Variants in STK24 observed in about 807,000 individuals in gnomAD.
The protein encoded by STK24 is serine/threonine kinase 24.
Under a neutral mutation model 55.6 loss-of-function variants are expected in STK24, and 21 were observed. That is an observed-to-expected ratio of 0.38 (90% CI 0.27 to 0.54). The LOEUF (loss-of-function observed/expected upper bound fraction) is 0.54, where lower values mean the gene tolerates loss of function less well. Ranked by LOEUF, STK24 falls within the 20% of genes least tolerant of loss-of-function variation. The probability of loss-of-function intolerance (pLI) is 0.79; values close to 1 mark genes in which losing one functional copy is unlikely to be tolerated. For synonymous variants in STK24, 200 were observed against 215.2 expected (o/e 0.93, Z 0.62); for missense variants, 383 against 538.4 (o/e 0.71, Z 2.86).
At chr13:98,548,482 T>C (rs1897081979) in intron 1 of STK24, among the ~76,000 whole-genome samples, 1 of 152,170 alleles carries the variant, frequency 6.6e-6, no homozygotes, top group South Asian at 2.1e-4. Flanking sequence ...AACTGTCTCA[T>C]CTCAAGGGTT....
chr13:98,527,414 C>T (rs1253021232), intron 1 of STK24, among the ~76,000 whole-genome samples: 1 of 152,212 alleles, frequency 6.6e-6, no homozygotes, highest in East Asian at 1.9e-4. Flanking sequence ...GCGGTGGGAA[C>T]ATGTGGCCTG....
chr13:98,475,133 C>A, intron 4 of STK24, 117 bp downstream of exon 4: 1 of 1,398,206 alleles, frequency 7.2e-7, no homozygotes, highest in East Asian at 2.4e-5. Flanking sequence ...CAGCCCAGCC[C>A]AGGCAAGGCA....
At chr13:98,507,809 T>G (rs953471258) in intron 2 of STK24, among the ~76,000 whole-genome samples, 2 of 152,110 alleles carry the variant, frequency 1.3e-5, no homozygotes, top group Non-Finnish European at 2.9e-5. Context: ...AACAGAAATG[T>G]GATGGTAAAG....
At chr13:98,534,649 C>G (rs1034558069) in intron 1 of STK24, among the ~76,000 whole-genome samples, 1 of 152,096 alleles carries the variant, frequency 6.6e-6, no homozygotes, top group African/African-American at 2.4e-5. Context: ...TTTTGCAGAC[C>G]CAGTGTTCTG....
chr13:98,518,023 A>C (rs534468968), intron 2 of STK24, among the ~76,000 whole-genome samples: 3 of 152,348 alleles, frequency 2.0e-5, no homozygotes, highest in East Asian at 3.9e-4. Flanking sequence ...AGAAGTTATA[A>C]AAAATAATGA....
At chr13:98,456,016 T>C (rs1193917643) in intron 10 of STK24, 6 of 152,998 alleles carry the variant, frequency 3.9e-5, no homozygotes, top group African/African-American at 9.6e-5. Flanking sequence ...TTTATTCCTA[T>C]ATTGTTTTTA....
rs115218701 is a variant in STK24, at chr13:98,523,178, C to A, written c.43-3705G>T. Among the ~76,000 whole-genome samples the A allele has an allele frequency of 5.2e-3, 785 of 152,300 alleles. 5 individuals are homozygous for A. The highest frequency in any genetic ancestry group is 0.017 in the African/African-American group (693 of 41,558). ...AACCACCACTCGGCACAGGCTGGGA[C>A]AGGAGGCCAAGCAGCCCCAACATGC... is the stretch of plus-strand genomic sequence containing the variant. On this transcript the variant is annotated intron_variant, in intron 1 of 10. Transcript: ENST00000539966.
chr13:98,553,164 T>TAGGCTA (rs1435189228), intron 1 of STK24: 1 of 152,196 alleles, frequency 6.6e-6, no homozygotes, highest in Non-Finnish European at 1.5e-5. Context: ...GCCACCACGG[T>TAGGCTA]AGGCTAAGCT....
At chr13:98,481,631 C>T (rs1264255849) in intron 3 of STK24, among the ~76,000 whole-genome samples, 1 of 152,140 alleles carries the variant, frequency 6.6e-6, no homozygotes, top group Non-Finnish European at 1.5e-5. Context: ...GTAAATAGAA[C>T]CTGTTTCAGA....
At chr13:98,481,817 G>A (rs1015788654) in intron 3 of STK24, among the ~76,000 whole-genome samples, 1 of 152,162 alleles carries the variant, frequency 6.6e-6, no homozygotes, top group African/African-American at 2.4e-5. Flanking sequence ...GGGAGGCTGA[G>A]AGCGGGGATC....
intron 1 of STK24, among the ~76,000 whole-genome samples, chr13:98,531,753 G>A (rs1442026558): frequency 6.6e-6 from 1 of 152,140 alleles, no homozygotes; most frequent in African/African-American, 2.4e-5. Flanking sequence ...AGGTGCAGAT[G>A]GTATTAATGG....
rs537555392 is a variant in STK24, at chr13:98,448,840, G to A, written c.*4333C>T. On this transcript the variant is annotated 3_prime_UTR_variant, in exon 11 of 11. Coordinates refer to ENST00000539966, the MANE Select transcript of STK24 (RefSeq NM_001032296.4). The stretch of plus-strand genomic sequence containing the variant: ...CAGTCTTTCTACTTTTGTAATAATA[G>A]GAAGTTAGTAGGACTCACTTCTCTG... 4 of 152,162 alleles carry A rather than the reference G, an allele frequency of 2.6e-5. No homozygotes were observed. In the South Asian group the frequency reaches 8.3e-4, roughly 32 times the overall value. The allele number at this position is 152,162 out of a possible 1,614,324, so 9.4% of individuals were successfully genotyped here.
chr13:98,453,400 C>A lies in STK24; in HGVS notation c.1260-191G>T, dbSNP rs79491728. The A allele has an allele frequency of 1.8e-3, 1,093 of 603,970 alleles. 26 individuals carry two copies. The East Asian group carries it at 0.032, about 18-fold the overall frequency. 37.4% of individuals were successfully genotyped at this position (603,970 alleles called of 1,614,324 possible). On this transcript the variant is annotated intron_variant, in intron 10 of 10. Coordinates refer to ENST00000539966, the MANE Select transcript of STK24 (RefSeq NM_001032296.4). ...AAGACTGAGAAGATCATGATTCTTA[C>A]ACAAAAACTCCAGAGCATGTCACCA...
At position 98,460,410 on chromosome 13, in the gene STK24, G is replaced by T; in HGVS notation, c.1084C>A (p.Gln362Lys). The T allele has an allele frequency of 6.2e-7, 1 of 1,613,480 alleles. No individual in the cohort carries two copies. Among genetic ancestry groups the T allele is most frequent in the South Asian group, 1.1e-5 (1 of 91,018 alleles). The change falls in exon 9 of 11, where the codon CAG (glutamine) becomes AAG (lysine). Residue 362 changes from glutamine (Q) to lysine (K), a missense_variant. Physicochemically the swap from Gln to Lys is moderately conservative, Grantham distance 53. Coordinates refer to ENST00000539966, the MANE Select transcript of STK24 (RefSeq NM_001032296.4). Reference protein sequence around the residue: ...MKDIPKRPFSQCLSTIISPLF... With the variant: ...MKDIPKRPFSKCLSTIISPLF... ...GGAGAAATAATTGTAGATAAACACTGAGAGAAAGGCCTCTTCGGGATGTCT... is the reference window on the plus strand; with the variant it reads ...GGAGAAATAATTGTAGATAAACACTTAGAGAAAGGCCTCTTCGGGATGTCT...
Position 98,446,415 on chromosome 13 carries a change from T to C in STK24, c.*6758A>G. 1.7e-6 allele frequency: 1 copy of C among 601,954 alleles called. No homozygotes were observed. Among genetic ancestry groups the C allele is most frequent in the South Asian group, 2.0e-5 (1 of 49,796 alleles). 37.3% of individuals were successfully genotyped at this position (601,954 alleles called of 1,614,324 possible). On this transcript the variant is annotated 3_prime_UTR_variant, in exon 11 of 11. Transcript: ENST00000539966. ...ATCCACTGAAGGACAACTTCTGCCC[T>C]AGGAAGGGCCACCTGTCTTCTGCCT... is the stretch of plus-strand genomic sequence containing the variant.
intron 2 of STK24, among the ~76,000 whole-genome samples, chr13:98,493,258 G>A (rs1000217719): frequency 2.6e-5 from 4 of 152,202 alleles, no homozygotes; most frequent in Non-Finnish European, 4.4e-5. Context: ...AATATGTACA[G>A]AGATGTTCCT....
At chr13:98,535,269 G>A (rs540559652) in intron 1 of STK24, among the ~76,000 whole-genome samples, 54 of 143,682 alleles carry the variant, frequency 3.8e-4, no homozygotes, top group Non-Finnish European at 6.2e-4. Context: ...TCTGGGAGAC[G>A]GAGGCTGCAG....
At chr13:98,544,832 C>T (rs1220565964) in intron 1 of STK24, among the ~76,000 whole-genome samples, 2 of 152,152 alleles carry the variant, frequency 1.3e-5, no homozygotes, top group Non-Finnish European at 2.9e-5. Flanking sequence ...AAAGCATTAA[C>T]ACAGCTAGAG....
In STK24 at chr13:98,475,110, A is replaced by C. The variant is rs1185899776; in HGVS notation, c.440-132T>G. On this transcript the variant is annotated intron_variant, in intron 4 of 10. Coordinates refer to ENST00000539966, the MANE Select transcript of STK24 (RefSeq NM_001032296.4). ...GCACCGGGGCTACACTTTTTGTCAG[A>C]CCCCCTCAAAGCCAGCCCAGCCCAG... The C allele has an allele frequency of 1.8e-5, 26 of 1,411,284 alleles. 1 individual carries two copies. The Admixed American group carries it at 6.7e-4, about 36-fold the overall frequency. 87.4% of individuals were successfully genotyped at this position (1,411,284 alleles called of 1,614,324 possible).
Sources: gnomAD v4.1 joint callset for allele counts (sites outside exome capture counted in the v4.1 genomes callset) on GRCh38, gnomAD v4.1.1 for gene constraint, MANE v1.5 for transcripts, NCBI Gene and HGNC (gene_info 2026-07-23, HGNC 2026-07-21) for gene names.